CTNND2: variants seen among roughly 807,000 people sequenced by gnomAD.
The protein encoded by CTNND2 is catenin delta 2.
A neutral mutation model predicts 144.4 loss-of-function variants in CTNND2; 22 were observed. That is an observed-to-expected ratio of 0.15 (90% confidence interval 0.11 to 0.22). The LOEUF (loss-of-function observed/expected upper bound fraction) is 0.22. Ranked by LOEUF, CTNND2 falls within the 10% of genes least tolerant of loss-of-function variation. The pLI, the probability that CTNND2 is intolerant of heterozygous loss-of-function variation, is 1.00. For synonymous variants in CTNND2, 751 were observed against 695.6 expected, an observed-to-expected ratio of 1.08 and a Z score of -1.25; for missense variants, 1,353 against 1,618.8, an observed-to-expected ratio of 0.84 and a Z score of 2.82.
chr5:11,072,059 G>A (rs1748381439), intron 16 of CTNND2, among the ~76,000 whole-genome samples: 1 of 152,166 alleles, frequency 6.6e-6, no homozygotes, highest in Non-Finnish European at 1.5e-5. Context: ...TAGACACTGG[G>A]GGTATTAGTC....
chr5:11,427,046 G>A (rs1344567088), intron 3 of CTNND2, among the ~76,000 whole-genome samples: 1 of 152,076 alleles, frequency 6.6e-6, no homozygotes, highest in East Asian at 1.9e-4. Flanking sequence ...CAGTGATTCT[G>A]CAAACAAGTT....
chr5:11,046,801 G>T (rs1256797234), intron 16 of CTNND2, among the ~76,000 whole-genome samples: 1 of 152,034 alleles, frequency 6.6e-6, no homozygotes, highest in African/African-American at 2.4e-5. Flanking sequence ...ACTACCACTG[G>T]ATTCTGTTTT....
At chr5:11,224,176 T>C (rs1485813246) in intron 10 of CTNND2, among the ~76,000 whole-genome samples, 1 of 152,188 alleles carries the variant, frequency 6.6e-6, no homozygotes, top group Admixed American at 6.5e-5. Context: ...GTTAGCAATA[T>C]TGCCTTCTTA....
intron 11 of CTNND2, among the ~76,000 whole-genome samples, chr5:11,166,220 A>T (rs1360643530): frequency 2.0e-5 from 3 of 151,476 alleles, no homozygotes; most frequent in East Asian, 3.9e-4. Context: ...AGGGGGAGGA[A>T]AAAGGAGAAG....
chr5:11,493,101 C>T (rs1311483379), intron 3 of CTNND2, among the ~76,000 whole-genome samples: 3 of 152,072 alleles, frequency 2.0e-5, no homozygotes, highest in Non-Finnish European at 4.4e-5. Flanking sequence ...CGGAGTGAGA[C>T]TCTGTCTCAA....
chr5:11,535,898 A>G (rs1420597097), intron 3 of CTNND2, among the ~76,000 whole-genome samples: 1 of 152,206 alleles, frequency 6.6e-6, no homozygotes, highest in African/African-American at 2.4e-5. Context: ...CCAACTATAA[A>G]AAAGGGTCTA....
At chr5:11,263,824 TC>T (rs1745165048) in intron 9 of CTNND2, among the ~76,000 whole-genome samples, 1 of 152,168 alleles carries the variant, frequency 6.6e-6, no homozygotes, top group Non-Finnish European at 1.5e-5. Flanking sequence ...CTAAACACAC[TC>T]CAGTTTGTGC....
intron 18 of CTNND2, among the ~76,000 whole-genome samples, chr5:11,012,778 T>C (rs1247843096): frequency 6.6e-6 from 1 of 152,218 alleles, no homozygotes; most frequent in African/African-American, 2.4e-5. Context: ...TCCAGTTTTA[T>C]GAGTAGAAGT....
chr5:11,768,840 T>G (rs534393632), intron 1 of CTNND2, among the ~76,000 whole-genome samples: 36 of 152,292 alleles, frequency 2.4e-4, no homozygotes, highest in African/African-American at 8.2e-4. Flanking sequence ...CAGTTCCTTC[T>G]CCATCTTTCA....
chr5:11,709,660 G>C (rs920854936), intron 2 of CTNND2, among the ~76,000 whole-genome samples: 8 of 152,134 alleles, frequency 5.3e-5, no homozygotes, highest in African/African-American at 1.9e-4. Flanking sequence ...GCAGTGCAGA[G>C]AGAATTGCTT....
intron 2 of CTNND2, among the ~76,000 whole-genome samples, chr5:11,693,014 CT>C (rs1387590581): frequency 9.9e-5 from 15 of 152,134 alleles, no homozygotes; most frequent in Non-Finnish European, 2.2e-4. Context: ...AAGTTTAGTC[CT>C]AAAACACATC....
At chr5:11,730,910 C>T (rs565006349) in intron 2 of CTNND2, among the ~76,000 whole-genome samples, 44 of 152,262 alleles carry the variant, frequency 2.9e-4, no homozygotes, top group South Asian at 1.0e-3. Flanking sequence ...TAAGAAAGCA[C>T]GACATAACCC....
At chr5:11,381,112 G>A (rs1299601927) in intron 7 of CTNND2, among the ~76,000 whole-genome samples, 1 of 151,968 alleles carries the variant, frequency 6.6e-6, no homozygotes, top group Non-Finnish European at 1.5e-5. Context: ...AATCTCAGTG[G>A]CTACACCTTA....
intron 1 of CTNND2, among the ~76,000 whole-genome samples, chr5:11,876,305 C>T (rs1241372647): frequency 3.7e-5 from 5 of 133,406 alleles, no homozygotes; most frequent in African/African-American, 1.1e-4. Context: ...AGGGGAGAGG[C>T]GAGAGGGGAG....
At chr5:11,116,743 G>A (rs888877666) in intron 13 of CTNND2, among the ~76,000 whole-genome samples, 5 of 152,130 alleles carry the variant, frequency 3.3e-5, no homozygotes, top group Admixed American at 2.6e-4. Flanking sequence ...TAAAAAGCAA[G>A]TTTATAAGAA....
intron 3 of CTNND2, among the ~76,000 whole-genome samples, chr5:11,476,046 T>C (rs573129891): frequency 6.6e-6 from 1 of 151,504 alleles, no homozygotes; most frequent in Non-Finnish European, 1.5e-5. Flanking sequence ...TTTTTTTTTT[T>C]TTTTTGTAGA....
chr5:11,277,641 C>T lies in CTNND2; in HGVS notation c.1629-40818G>A, dbSNP rs142110270. 1.9e-3 allele frequency among the ~76,000 whole-genome samples: 291 copies of T among 152,046 alleles called. 1 individual carries two copies. The highest frequency in any genetic ancestry group is 3.4e-3 in the Middle Eastern group (1 of 294). The stretch of plus-strand genomic sequence containing the variant: ...CAACCTCCGAGGTTCAAGAGATCCT[C>T]CCACCTCAGCCTCCCGAGCAGCTGG... On this transcript the variant is annotated intron_variant, in intron 9 of 21. Transcript: ENST00000304623.
intron 2 of CTNND2, 58 bp downstream of exon 2, chr5:11,732,078 G>A: frequency 1.3e-6 from 2 of 1,554,414 alleles, no homozygotes. Flanking sequence ...CGTTCATCTA[G>A]AAAAACAATT....
At position 11,082,760 on chromosome 5, in the gene CTNND2, C is replaced by A. The variant is rs199679046; in HGVS notation, c.2724G>T (p.Val908=). ...GCAGCGCAGTGGCCACCGCGCACAC[C>A]ACACGGTCATTGTCTATTCGGAGCA... ...VELLRIDNDR[V]VCAVATALRN... is the part of the protein sequence containing the mutation. The change falls in exon 16 of 22, where the codon GTG becomes GTT. Residue 908 remains valine (V), a synonymous_variant. Transcript: ENST00000304623. The A allele has an allele frequency of 9.9e-5, 160 of 1,614,176 alleles. 5 individuals carry two copies. The South Asian group carries it at 1.6e-3, about 16-fold the overall frequency.
Sources: allele counts gnomAD v4.1 joint callset (sites outside exome capture counted in the v4.1 genomes callset), GRCh38; gene constraint gnomAD v4.1.1; transcripts MANE v1.5; gene names NCBI Gene and HGNC (gene_info 2026-07-23, HGNC 2026-07-21).